The following PUM3 variants were observed in gnomAD, a reference collection of about 807,000 sequenced individuals.
PUM3 encodes pumilio homolog 3.
Under a neutral mutation model 84.0 loss-of-function variants are expected in PUM3, and 91 were observed. That is an observed-to-expected ratio of 1.08 (90% confidence interval 0.91 to 1.29). The LOEUF (loss-of-function observed/expected upper bound fraction) is 1.29, where lower values mean the gene tolerates loss of function less well. Among genes scored for constraint, PUM3 ranks in the 50% most tolerant of loss-of-function variants. PUM3 has a pLI of 0.00. For synonymous variants in PUM3, 321 were observed against 266.7 expected, an observed-to-expected ratio of 1.20 and a Z score of -1.98; for missense variants, 1,067 against 767.5, an observed-to-expected ratio of 1.39 and a Z score of -4.61.
chr9:2,816,061 G>C (rs1369968351), intron 13 of PUM3, among the ~76,000 whole-genome samples: 2 of 152,182 alleles, frequency 1.3e-5, no homozygotes, highest in East Asian at 3.9e-4. Context: ...TAGGGTTAAG[G>C]CGTGTGCGTT....
At chr9:2,829,178 G>C (rs1815905665) in intron 8 of PUM3, among the ~76,000 whole-genome samples, 1 of 152,214 alleles carries the variant, frequency 6.6e-6, no homozygotes, top group African/African-American at 2.4e-5. Flanking sequence ...ATTGAACCTG[G>C]CTAATGGAGG....
At chr9:2,828,207 A>G (rs2129853993) in intron 9 of PUM3, among the ~76,000 whole-genome samples, 1 of 152,116 alleles carries the variant, frequency 6.6e-6, no homozygotes. Flanking sequence ...AAGCCTGGCT[A>G]ATTTTCTTAT....
At chr9:2,808,259 T>C (rs1247629450) in intron 16 of PUM3, among the ~76,000 whole-genome samples, 2 of 152,250 alleles carry the variant, frequency 1.3e-5, no homozygotes, top group Non-Finnish European at 2.9e-5. Flanking sequence ...TGTTTCACAG[T>C]AGCACCTCAT....
At chr9:2,812,079 C>CA (rs921447911) in intron 14 of PUM3, 141 bp downstream of exon 14, 107 of 763,152 alleles carry the variant, frequency 1.4e-4, no homozygotes, top group Non-Finnish European at 2.1e-4. Flanking sequence ...TAGAATCTGT[C>CA]AAAAATATAG....
intron 12 of PUM3, among the ~76,000 whole-genome samples, chr9:2,821,967 A>C (rs1815652427): frequency 6.6e-6 from 1 of 152,230 alleles, no homozygotes; most frequent in African/African-American, 2.4e-5. Flanking sequence ...TATTGAAATA[A>C]AATGACCCAT....
chr9:2,810,909 C>T (rs1821354259), intron 15 of PUM3, among the ~76,000 whole-genome samples: 1 of 152,226 alleles, frequency 6.6e-6, no homozygotes, highest in Admixed American at 6.5e-5. Context: ...CCTTACTCCT[C>T]TTCAAGAGCA....
chr9:2,838,711 C>T (rs923116129), intron 1 of PUM3, among the ~76,000 whole-genome samples, 194 bp from the exon 2 acceptor site: 1 of 152,032 alleles, frequency 6.6e-6, no homozygotes, highest in Non-Finnish European at 1.5e-5. Context: ...TGAAAATGAA[C>T]AAGGTATCAA....
chr9:2,825,534 G>C (rs1815793227), intron 10 of PUM3, among the ~76,000 whole-genome samples: 1 of 151,746 alleles, frequency 6.6e-6, no homozygotes, highest in South Asian at 2.1e-4. Flanking sequence ...CCAGGCTGGA[G>C]TGCAGTGGTG....
At chr9:2,838,046 C>T (rs566189350) in intron 2 of PUM3, among the ~76,000 whole-genome samples, 13 of 152,186 alleles carry the variant, frequency 8.5e-5, no homozygotes, top group African/African-American at 3.1e-4. Flanking sequence ...AATACTGACA[C>T]CTGATGGAAT....
intron 10 of PUM3, among the ~76,000 whole-genome samples, chr9:2,825,163 GGAGCTTTTAACAGAATAGC>G (rs1815778204): frequency 6.6e-6 from 1 of 152,146 alleles, no homozygotes; most frequent in African/African-American, 2.4e-5. Flanking sequence ...TGATAAGAAG[GGAGCTTTTAACAGAATAGC>G]GAGACAAAGA....
chr9:2,843,706 G>A (rs1004698618), intron 1 of PUM3, among the ~76,000 whole-genome samples: 1 of 150,732 alleles, frequency 6.6e-6, no homozygotes, highest in African/African-American at 2.4e-5. Context: ...AGCCTCCCAA[G>A]TAGCTGGGAC....
chr9:2,840,199 GTGTTCACT>G (rs1816233778), intron 1 of PUM3, among the ~76,000 whole-genome samples: 1 of 152,170 alleles, frequency 6.6e-6, no homozygotes. Context: ...TATGTTAACC[GTGTTCACT>G]TGGTCAAAGT....
chr9:2,810,881 A>T (rs1464247162), intron 15 of PUM3, among the ~76,000 whole-genome samples: 1 of 152,240 alleles, frequency 6.6e-6, no homozygotes, highest in Non-Finnish European at 1.5e-5. Flanking sequence ...GAATCAAGAA[A>T]GCATCTTTTC....
Position 2,830,955 on chromosome 9 carries a change from A to T in PUM3, c.677+7T>A, listed in dbSNP as rs1191432306. 7.5e-7 allele frequency: 1 copy of T among 1,338,920 alleles called. No homozygotes were observed. Among genetic ancestry groups the T allele is most frequent in the Non-Finnish European group, 1.1e-6 (1 of 940,230 alleles). 82.9% of individuals were successfully genotyped at this position (1,338,920 alleles called of 1,614,324 possible). A position where few individuals can be genotyped will look rare whatever the true frequency, so the allele number is the denominator to read the frequency against. ...AAAAAATGTATTTTATACATAAAAC[A>T]ACTTACCCATACATGAGAAATTTCT... On this transcript the variant is annotated splice_region_variant and intron_variant, in intron 7 of 17. Transcript: ENST00000397885.
At chr9:2,809,468 A>G (rs1036527250) in intron 16 of PUM3, among the ~76,000 whole-genome samples, 11 of 152,174 alleles carry the variant, frequency 7.2e-5, no homozygotes, top group Admixed American at 4.6e-4. Context: ...TTTACAAAAA[A>G]ATTTAGTGAA....
intron 1 of PUM3, among the ~76,000 whole-genome samples, chr9:2,840,022 C>T (rs1211704321): frequency 6.6e-6 from 1 of 152,130 alleles, no homozygotes; most frequent in African/African-American, 2.4e-5. Context: ...ATCTGGCCAT[C>T]AAGTCTCCTT....
Position 2,833,424 on chromosome 9 carries a change from C to T in PUM3, c.449G>A (p.Cys150Tyr). The T allele has an allele frequency of 6.4e-7, 1 of 1,566,660 alleles. No homozygotes were observed. The highest frequency in any genetic ancestry group is 2.3e-5 in the East Asian group (1 of 44,266). ...TAACTTTACTCTTTTTTCTTTGTCA[C>T]AGTCTTTTCTACAAATGAGGAGAGG... ...QMWEILRRKD[C>Y]DKEKRVKLMS... is the part of the protein sequence containing the mutation. The change falls in exon 5 of 18, where the codon TGT becomes TAT. Residue 150 changes from cysteine (C) to tyrosine (Y), a missense_variant. Physicochemically the swap from Cys to Tyr is radical, Grantham distance 194. Transcript: ENST00000397885.
chr9:2,819,677 A>G (rs1254122984), intron 13 of PUM3, among the ~76,000 whole-genome samples: 1 of 152,212 alleles, frequency 6.6e-6, no homozygotes, highest in Non-Finnish European at 1.5e-5. Context: ...TTACTATGCT[A>G]GTTTCTGATC....
chr9:2,806,270 T>C (rs1316834247), intron 17 of PUM3, among the ~76,000 whole-genome samples: 1 of 152,230 alleles, frequency 6.6e-6, no homozygotes, highest in East Asian at 1.9e-4. Context: ...AGTTCATGTA[T>C]CAGCTAACGA....
Sources: allele counts gnomAD v4.1 joint callset (sites outside exome capture counted in the v4.1 genomes callset), GRCh38; gene constraint gnomAD v4.1.1; transcripts MANE v1.5; gene names NCBI Gene and HGNC (gene_info 2026-07-23, HGNC 2026-07-21).